ATXN3: variants seen among roughly 807,000 people sequenced by gnomAD.
ATXN3 encodes ataxin-3.
In ATXN3, 28 loss-of-function variants were observed where a neutral mutation model predicts 58.2. The observed-to-expected ratio is 0.48, with a 90% CI of 0.36 to 0.66. ATXN3 has a LOEUF of 0.66. Ranked by LOEUF, ATXN3 falls within the 30% of genes least tolerant of loss-of-function variation. The pLI, the probability that ATXN3 is intolerant of heterozygous loss-of-function variation, is 0.00. For missense variants in ATXN3, 321 were observed against 422.1 expected (o/e 0.76, Z 2.10); for synonymous variants, 113 against 138.5 (o/e 0.82, Z 1.29).
At chr14:92,085,742 T>C (rs1416389131) in intron 6 of ATXN3, among the ~76,000 whole-genome samples, 2 of 152,218 alleles carry the variant, frequency 1.3e-5, no homozygotes, top group African/African-American at 4.8e-5. Flanking sequence ...CAAGTGGAGA[T>C]GCCAAAGCTA....
chr14:92,081,465 C>CAAAAAAAAAAAA (rs58398762), intron 8 of ATXN3, among the ~76,000 whole-genome samples: 2 of 82,970 alleles, frequency 2.4e-5, no homozygotes, highest in Non-Finnish European at 5.0e-5. Context: ...GACTCTGACT[C>CAAAAAAAAAAAA]AAAAAAAAAA....
At chr14:92,072,008 G>A (rs895423471) in intron 9 of ATXN3, among the ~76,000 whole-genome samples, 1 of 152,272 alleles carries the variant, frequency 6.6e-6, no homozygotes, top group African/African-American at 2.4e-5. Context: ...GCTGATAACT[G>A]TGCTGTTACA....
intron 6 of ATXN3, among the ~76,000 whole-genome samples, chr14:92,085,657 G>C (rs2062306311): frequency 1.3e-5 from 2 of 152,190 alleles, no homozygotes; most frequent in African/African-American, 4.8e-5. Context: ...TGGAAAACCT[G>C]ATGGATAGCA....
At chr14:92,073,977 C>T (rs1226644961) in intron 9 of ATXN3, among the ~76,000 whole-genome samples, 1 of 143,824 alleles carries the variant, frequency 7.0e-6, no homozygotes, top group Non-Finnish European at 1.5e-5. Context: ...TGCACCACTG[C>T]ACTCCAGTCT....
In ATXN3 at chr14:92,086,866, C is replaced by T. The variant is rs74071869; in HGVS notation, c.475+1864G>A. Among the ~76,000 whole-genome samples, 940 of 151,830 alleles carry T rather than the reference C, an allele frequency of 6.2e-3. 13 individuals are homozygous for T. The highest frequency in any genetic ancestry group is 0.021 in the African/African-American group (867 of 41,362). ...ATATAAGAGAGTGGAGAGATGAAAG[C>T]AGGAACATCTTGAGTAGGTGAGAAG... On this transcript the variant is annotated intron_variant, in intron 6 of 10. Transcript: ENST00000644486.
chr14:92,086,399 T>C (rs1355030629), intron 6 of ATXN3, among the ~76,000 whole-genome samples: 1 of 151,496 alleles, frequency 6.6e-6, no homozygotes, highest in Non-Finnish European at 1.5e-5. Flanking sequence ...CCCTTCCATC[T>C]CTACTAAAAT....
chr14:92,072,326 A>C (rs1434975757), intron 9 of ATXN3, among the ~76,000 whole-genome samples: 3 of 152,198 alleles, frequency 2.0e-5, no homozygotes, highest in Non-Finnish European at 4.4e-5. Flanking sequence ...TGGGTGAAGG[A>C]TATAAGGAGC....
At chr14:92,102,602 T>C (rs868263976) in intron 1 of ATXN3, among the ~76,000 whole-genome samples, 1 of 152,202 alleles carries the variant, frequency 6.6e-6, no homozygotes, top group East Asian at 1.9e-4. Context: ...CTCCTCTTAG[T>C]GCTCTCCGAG....
intron 5 of ATXN3, among the ~76,000 whole-genome samples, chr14:92,091,135 C>T (rs966430477): frequency 6.6e-6 from 1 of 151,912 alleles, no homozygotes. Context: ...GCTCTTGGCT[C>T]CTCAGGAAGA....
chr14:92,103,073 G>GCA (rs2067211915), intron 1 of ATXN3, among the ~76,000 whole-genome samples: 1 of 148,704 alleles, frequency 6.7e-6, no homozygotes, highest in Non-Finnish European at 1.5e-5. Flanking sequence ...AATACAAATG[G>GCA]CACAGTAACT....
chr14:92,074,196 G>T lies in ATXN3; in HGVS notation c.873-3143C>A, dbSNP rs113953465. Among the ~76,000 whole-genome samples the T allele has an allele frequency of 4.1e-3, 610 of 149,204 alleles. 3 individuals carry two copies. Among genetic ancestry groups the T allele is most frequent in the African/African-American group, 0.014 (573 of 40,534 alleles). On this transcript the variant is annotated intron_variant, in intron 9 of 10. Transcript: ENST00000644486. ...AAGAAAATTGGCTGGGCACAGTGGC[G>T]GGTGCCTGTAATCCCAGCTACTCAG...
intron 10 of ATXN3, 140 bp downstream of exon 10, chr14:92,070,795 A>C (rs745625169): frequency 1.4e-6 from 2 of 1,453,410 alleles, no homozygotes; most frequent in Non-Finnish European, 1.8e-6. Context: ...AGGGAAATTT[A>C]GTAGATTACA....
chr14:92,082,710 G>T (rs550757499), intron 7 of ATXN3, among the ~76,000 whole-genome samples: 37 of 146,798 alleles, frequency 2.5e-4, no homozygotes, highest in African/African-American at 8.8e-4. Context: ...GTGCGGTAGT[G>T]TGATTATGGC....
intron 1 of ATXN3, chr14:92,097,083 A>G (rs1422824719): frequency 9.9e-6 from 4 of 403,174 alleles, no homozygotes; most frequent in Admixed American, 3.8e-5. Flanking sequence ...AAATTTTTGT[A>G]TTTTTAGTAG....
chr14:92,106,390 G>A (rs976745669), intron 1 of ATXN3, 139 bp downstream of exon 1: 1 of 1,078,658 alleles, frequency 9.3e-7, no homozygotes, highest in Admixed American at 2.2e-5. Flanking sequence ...GAGGCGGGAG[G>A]CTGCGGCGTC....
At position 92,096,551 on chromosome 14, in the gene ATXN3, G is replaced by A. The variant is rs1595941266; in HGVS notation, c.189+123C>T. On this transcript the variant is annotated intron_variant, in intron 2 of 10. Transcript: ENST00000644486. ...AGGCAGGAGAATCGCTTGAACCCGG[G>A]AGGCAGAGGTTGCAGTGAGCCGAGA... The A allele has an allele frequency of 8.9e-6, 9 of 1,014,194 alleles. No individual in the cohort carries two copies. In the South Asian group the frequency reaches 1.3e-4, roughly 15 times the overall value. The allele number at this position is 1,014,194 out of a possible 1,614,324, so 62.8% of individuals were successfully genotyped here. A position where few individuals can be genotyped will look rare whatever the true frequency, so the allele number is the denominator to read the frequency against.
chr14:92,096,340 G>C lies in ATXN3; in HGVS notation c.190-203C>G, dbSNP rs941816113. ...TGGTATCCACATTTTTAAAAGAAATGTAAGCCGGGTGTGGTGGCTCACACC... is the reference window on the plus strand; with the variant it reads ...TGGTATCCACATTTTTAAAAGAAATCTAAGCCGGGTGTGGTGGCTCACACC... On this transcript the variant is annotated intron_variant, in intron 2 of 10. Transcript: ENST00000644486. 25 of 1,440,668 alleles carry C rather than the reference G, an allele frequency of 1.7e-5. No individual in the cohort carries two copies. In the African/African-American group the frequency reaches 3.4e-4, roughly 20 times the overall value. 89.2% of individuals were successfully genotyped at this position (1,440,668 alleles called of 1,614,324 possible). A position where few individuals can be genotyped will look rare whatever the true frequency, so the allele number is the denominator to read the frequency against.
intron 9 of ATXN3, chr14:92,071,463 G>A (rs527605104): frequency 1.1e-5 from 4 of 349,936 alleles, no homozygotes; most frequent in South Asian, 8.9e-5. Flanking sequence ...AGGCGTGGTG[G>A]CAGGCACCTG....
intron 9 of ATXN3, among the ~76,000 whole-genome samples, chr14:92,073,803 C>G (rs930986607): frequency 6.6e-6 from 1 of 151,684 alleles, no homozygotes; most frequent in South Asian, 2.1e-4. Context: ...CATGCCACTA[C>G]ACTCCAGCCT....
Sources: allele counts gnomAD v4.1 joint callset (sites outside exome capture counted in the v4.1 genomes callset), GRCh38; gene constraint gnomAD v4.1.1; transcripts MANE v1.5; gene names NCBI Gene and HGNC (gene_info 2026-07-23, HGNC 2026-07-21).